The following PLEKHH1 variants were observed in gnomAD, a reference collection of about 807,000 sequenced individuals.
The protein encoded by PLEKHH1 is pleckstrin homology, MyTH4 and FERM domain containing H1.
Under a neutral mutation model 160.0 loss-of-function variants are expected in PLEKHH1, and 104 were observed. The observed-to-expected ratio is 0.65, with a 90% CI of 0.55 to 0.76. The LOEUF (loss-of-function observed/expected upper bound fraction) is 0.76. Ranked by LOEUF, PLEKHH1 falls within the 30% of genes least tolerant of loss-of-function variation. The probability of loss-of-function intolerance (pLI) is 0.00; values close to 1 mark genes in which losing one functional copy is unlikely to be tolerated. For synonymous variants in PLEKHH1, 619 were observed against 678.4 expected, an observed-to-expected ratio of 0.91 and a Z score of 1.36; for missense variants, 1,427 against 1,724.1, an observed-to-expected ratio of 0.83 and a Z score of 3.05.
chr14:67,534,880 T>C (rs777063485), intron 1 of PLEKHH1, among the ~76,000 whole-genome samples: 9 of 152,216 alleles, frequency 5.9e-5, no homozygotes, highest in Admixed American at 1.3e-4. Context: ...CCTTCAGATA[T>C]ACTCTGATGT....
intron 4 of PLEKHH1, among the ~76,000 whole-genome samples, chr14:67,557,910 G>A (rs2034659077): frequency 1.3e-5 from 2 of 152,210 alleles, no homozygotes; most frequent in Non-Finnish European, 2.9e-5. Flanking sequence ...TATGATCAGA[G>A]CTGCACAGAG....
chr14:67,557,683 C>T (rs2140398110), intron 4 of PLEKHH1, among the ~76,000 whole-genome samples: 1 of 152,360 alleles, frequency 6.6e-6, no homozygotes, highest in Non-Finnish European at 1.5e-5. Context: ...CACCTGCTGC[C>T]TCTGACAGTG....
intron 28 of PLEKHH1, 49 bp downstream of exon 28, chr14:67,586,146 G>A: frequency 6.3e-7 from 1 of 1,599,522 alleles, no homozygotes; most frequent in Non-Finnish European, 8.5e-7. Flanking sequence ...GATGTGGTGG[G>A]CTTGGAGCTT....
At chr14:67,581,894 ATCTGCTCTGTG>A in intron 23 of PLEKHH1, 164 bp from the exon 24 acceptor site, 1 of 612,776 alleles carries the variant, frequency 1.6e-6, no homozygotes, top group Non-Finnish European at 2.8e-6. Flanking sequence ...ATGACCCTGC[ATCTGCTCTGTG>A]TCATACTCGG....
chr14:67,561,027 G>A (rs2034813881), intron 5 of PLEKHH1, among the ~76,000 whole-genome samples: 2 of 152,080 alleles, frequency 1.3e-5, no homozygotes, highest in South Asian at 2.1e-4. Context: ...CACCACACCC[G>A]GCTGACAAAC....
Position 67,573,741 on chromosome 14 carries a change from T to C in PLEKHH1, c.1840-60T>C, listed in dbSNP as rs75098022. ...ACGTGGAGGAAGATCTGAGGGTAAA[T>C]GAGGTGCTCCGGAAAGGCTCCACAT... On this transcript the variant is annotated intron_variant, in intron 12 of 28. Coordinates refer to ENST00000329153, the MANE Select transcript of PLEKHH1 (RefSeq NM_020715.3). The surrounding 1 kb of genome is among the most constrained non-coding windows in gnomAD (Gnocchi z 4.8). 6.2e-3 allele frequency: 6,716 copies of C among 1,075,192 alleles called. 373 individuals carry two copies. In the East Asian group the frequency reaches 0.12, roughly 20 times the overall value. The allele number at this position is 1,075,192 out of a possible 1,614,324, so 66.6% of individuals were successfully genotyped here. A position where few individuals can be genotyped will look rare whatever the true frequency, so the allele number is the denominator to read the frequency against.
chr14:67,564,747 G>C (rs1423843834), intron 7 of PLEKHH1, among the ~76,000 whole-genome samples: 1 of 150,310 alleles, frequency 6.7e-6, no homozygotes, highest in African/African-American at 2.5e-5. Context: ...GGAGTGCAAT[G>C]GTGCAATCAT....
intron 21 of PLEKHH1, 78 bp from the exon 22 acceptor site, chr14:67,579,643 T>A: frequency 7.1e-7 from 1 of 1,417,056 alleles, no homozygotes; most frequent in Non-Finnish European, 9.7e-7. Context: ...CCACCTGCTG[T>A]ATCCAGACAC....
At chr14:67,551,930 T>C (rs1348347760) in intron 2 of PLEKHH1, among the ~76,000 whole-genome samples, 1 of 151,288 alleles carries the variant, frequency 6.6e-6, no homozygotes, top group Admixed American at 6.6e-5. Context: ...AGACCCGGGA[T>C]GGTGTGGCTC....
chr14:67,570,272 CT>C, intron 9 of PLEKHH1: 4 of 950,066 alleles, frequency 4.2e-6, no homozygotes, highest in Non-Finnish European at 5.0e-6. Flanking sequence ...CTCTCCCCAC[CT>C]TTTCTCATGT....
chr14:67,559,516 G>T, intron 4 of PLEKHH1, 92 bp from the exon 5 acceptor site: 1 of 794,026 alleles, frequency 1.3e-6, no homozygotes, highest in Non-Finnish European at 2.2e-6. Context: ...TCAGTGGCAC[G>T]CACACTTGGC....
intron 2 of PLEKHH1, among the ~76,000 whole-genome samples, chr14:67,546,477 C>T (rs1240519210): frequency 6.6e-6 from 1 of 152,064 alleles, no homozygotes; most frequent in African/African-American, 2.4e-5. Context: ...TGCAACCTCC[C>T]CATCCTGGGT....
At position 67,573,742 on chromosome 14, in the gene PLEKHH1, G is replaced by C; in HGVS notation, c.1840-59G>C. On this transcript the variant is annotated intron_variant, in intron 12 of 28. Transcript: ENST00000329153. The surrounding 1 kb of genome is among the most constrained non-coding windows in gnomAD (Gnocchi z 4.8). The stretch of plus-strand genomic sequence containing the variant: ...CGTGGAGGAAGATCTGAGGGTAAAT[G>C]AGGTGCTCCGGAAAGGCTCCACATT... 9.3e-7 allele frequency: 1 copy of C among 1,077,768 alleles called. No individual in the cohort carries two copies. The highest frequency in any genetic ancestry group is 1.4e-6 in the Non-Finnish European group (1 of 689,946). 66.8% of individuals were successfully genotyped at this position (1,077,768 alleles called of 1,614,324 possible). A position where few individuals can be genotyped will look rare whatever the true frequency, so the allele number is the denominator to read the frequency against.
intron 18 of PLEKHH1, among the ~76,000 whole-genome samples, chr14:67,577,705 A>G (rs1280834926): frequency 6.6e-6 from 1 of 152,174 alleles, no homozygotes; most frequent in Non-Finnish European, 1.5e-5. Context: ...TTGCTTCTGG[A>G]CTGAGAGATT....
intron 2 of PLEKHH1, among the ~76,000 whole-genome samples, chr14:67,545,126 TA>T (rs2034125642): frequency 6.6e-6 from 1 of 152,202 alleles, no homozygotes; most frequent in Admixed American, 6.5e-5. Context: ...AATCAAGCTC[TA>T]GGGTGATGGT....
At chr14:67,571,979 G>GAAGAGGTGAGGGGCT in intron 10 of PLEKHH1, 77 bp downstream of exon 10, 1 of 1,528,830 alleles carries the variant, frequency 6.5e-7, no homozygotes, top group Non-Finnish European at 8.9e-7. Flanking sequence ...TTGAACATGG[G>GAAGAGGTGAGGGGCT]CGTCCCCACT....
intron 1 of PLEKHH1, among the ~76,000 whole-genome samples, chr14:67,539,693 G>A (rs2033888903): frequency 6.6e-6 from 1 of 152,032 alleles, no homozygotes; most frequent in Non-Finnish European, 1.5e-5. Flanking sequence ...TTTTGGATGG[G>A]TAAAGAGCAC....
rs753623274 is a variant in PLEKHH1, at chr14:67,572,285, G to A, written c.1728+8G>A. The A allele has an allele frequency of 1.8e-5, 28 of 1,586,584 alleles. No individual in the cohort carries two copies. Among genetic ancestry groups the A allele is most frequent in the Admixed American group, 1.6e-4 (9 of 56,952 alleles). ...GGGCTGGGCCTGGGCGGGGTGAGCC[G>A]GGAAACGGGCGGGGGCAGGGTGGAA... On this transcript the variant is annotated splice_region_variant and intron_variant, in intron 11 of 28. Transcript: ENST00000329153.
intron 4 of PLEKHH1, 90 bp downstream of exon 4, chr14:67,557,508 C>G: frequency 1.6e-6 from 2 of 1,269,024 alleles, no homozygotes; most frequent in Non-Finnish European, 1.1e-6. Flanking sequence ...CTCAAGCCCT[C>G]TAGTGCTGGG....
Sources: allele counts gnomAD v4.1 joint callset (sites outside exome capture counted in the v4.1 genomes callset), GRCh38; gene constraint gnomAD v4.1.1; non-coding constraint Gnocchi (gnomAD v3.1); transcripts MANE v1.5; gene names NCBI Gene and HGNC (gene_info 2026-07-23, HGNC 2026-07-21).